The following INSYN2B variants were observed in gnomAD, a reference collection of about 807,000 sequenced individuals.
INSYN2B encodes protein INSYN2B.
In INSYN2B, 16 loss-of-function variants were observed where a neutral mutation model predicts 41.2. That is an observed-to-expected ratio of 0.39 (90% CI 0.26 to 0.59). The LOEUF is 0.59. INSYN2B is among the 20% of genes least tolerant of loss of function. INSYN2B has a pLI of 0.57. For missense variants in INSYN2B, 608 were observed against 646.4 expected, an observed-to-expected ratio of 0.94 and a Z score of 0.64; for synonymous variants, 245 against 244.4, an observed-to-expected ratio of 1.00 and a Z score of -0.02.
chr5:169,882,958 T>G lies in INSYN2B; in HGVS notation c.941A>C (p.Gln314Pro). ...GTGGGCTGGCTGGCTGTGGGAGCCT[T>G]GTGAGGGGGAACTGTGAGTCCGTGG... ...SSPRTHSSPS[Q>P]GSHSQPAHPG... Residue 314 changes from glutamine to proline, a missense_variant, in exon 2 of 4, where the codon CAA (glutamine) becomes CCA (proline). Physicochemically the swap from Gln to Pro is moderately conservative, Grantham distance 76. Coordinates refer to ENST00000377365, the MANE Select transcript of INSYN2B (RefSeq NM_001129891.3). 6.4e-7 allele frequency: 1 copy of G among 1,551,674 alleles called. No homozygotes were observed. The highest frequency in any genetic ancestry group is 2.0e-5 in the Admixed American group (1 of 50,986).
At chr5:169,917,603 T>C (rs1193212925) in intron 1 of INSYN2B, among the ~76,000 whole-genome samples, 1 of 152,214 alleles carries the variant, frequency 6.6e-6, no homozygotes, top group African/African-American at 2.4e-5. Context: ...TTCTAATCGA[T>C]TGCTTGCTGT....
chr5:169,929,752 A>AG (rs1338649494), intron 1 of INSYN2B, among the ~76,000 whole-genome samples: 1 of 151,454 alleles, frequency 6.6e-6, no homozygotes, highest in Non-Finnish European at 1.5e-5. Flanking sequence ...AAAAAAAAAA[A>AG]AAAAAAAAAA....
At chr5:169,917,552 T>C (rs991134062) in intron 1 of INSYN2B, among the ~76,000 whole-genome samples, 2 of 152,130 alleles carry the variant, frequency 1.3e-5, no homozygotes, top group African/African-American at 4.8e-5. Context: ...TCAAGAGAAG[T>C]GTAGGATAAA....
intron 1 of INSYN2B, among the ~76,000 whole-genome samples, chr5:169,893,219 C>T (rs1372484486): frequency 1.3e-5 from 2 of 152,202 alleles, no homozygotes; most frequent in Non-Finnish European, 1.5e-5. Flanking sequence ...GTACATTCAC[C>T]CCTCTAGCCA....
chr5:169,970,786 A>G (rs1161627816), intron 1 of INSYN2B, among the ~76,000 whole-genome samples: 2 of 152,214 alleles, frequency 1.3e-5, no homozygotes, highest in African/African-American at 2.4e-5. Flanking sequence ...TGGAATTAGT[A>G]GATATGGGGC....
rs1771348732 is a variant in INSYN2B at position 169,863,673 on chromosome 5, GC to G, written c.*599del. Among the ~76,000 whole-genome samples, 1 of 152,204 alleles carries G rather than the reference GC, an allele frequency of 6.6e-6. No individual in the cohort carries two copies. Reference sequence around the variant, plus strand: ...GGTGCATGCACCATGAGATGACAGAGCCTTAATTTGGGATCAAGGGGCTAAT... The same window carrying G: ...GGTGCATGCACCATGAGATGACAGAGCTTAATTTGGGATCAAGGGGCTAAT... On this transcript the variant is annotated 3_prime_UTR_variant, in exon 4 of 4. Coordinates refer to ENST00000377365, the MANE Select transcript of INSYN2B (RefSeq NM_001129891.3).
intron 1 of INSYN2B, chr5:169,934,823 A>G (rs1042498865): frequency 2.3e-6 from 1 of 428,458 alleles, no homozygotes; most frequent in Non-Finnish European, 4.7e-6. Context: ...AATTGATTGT[A>G]GTGTCATCTG....
At position 169,878,591 on chromosome 5, in the gene INSYN2B, G is replaced by A. The variant is rs111408240; in HGVS notation, c.1421+2777C>T. On this transcript the variant is annotated intron_variant, in intron 3 of 3. Coordinates refer to ENST00000377365, the MANE Select transcript of INSYN2B (RefSeq NM_001129891.3). ...CCAGCATTAGGAAGGTTTTAAAGACGTTCTAGTACCAAACTCAGATTTTCC... is the reference window on the plus strand; with the variant it reads ...CCAGCATTAGGAAGGTTTTAAAGACATTCTAGTACCAAACTCAGATTTTCC... Among the ~76,000 whole-genome samples the A allele has an allele frequency of 1.6e-4, 24 of 152,284 alleles. 1 individual carries two copies. Among genetic ancestry groups the A allele is most frequent in the South Asian group, 1.4e-3 (7 of 4,828 alleles).
chr5:169,880,462 T>TA (rs1772574674), intron 3 of INSYN2B, among the ~76,000 whole-genome samples: 1 of 152,186 alleles, frequency 6.6e-6, no homozygotes, highest in Admixed American at 6.5e-5. Context: ...AAGAGAAGTG[T>TA]AATAGAGAAA....
chr5:169,958,066 C>T (rs2113738678), intron 1 of INSYN2B, among the ~76,000 whole-genome samples: 1 of 152,254 alleles, frequency 6.6e-6, no homozygotes, highest in South Asian at 2.1e-4. Context: ...GGGATACGTT[C>T]CCTGTGTGGA....
chr5:169,900,324 A>G lies in INSYN2B; in HGVS notation c.-918-15508T>C, dbSNP rs189205564. ...CTGAGCCAGGCTTTCTATGATGACT[A>G]GGAGTTCAAGTCATTGAAAGAAGGA... On this transcript the variant is annotated intron_variant, in intron 1 of 3. Coordinates refer to ENST00000377365, the MANE Select transcript of INSYN2B (RefSeq NM_001129891.3). 3.9e-5 allele frequency among the ~76,000 whole-genome samples: 6 copies of G among 152,342 alleles called. No individual in the cohort carries two copies. The East Asian group carries it at 1.2e-3, about 29-fold the overall frequency.
intron 1 of INSYN2B, among the ~76,000 whole-genome samples, chr5:169,897,392 T>C (rs1323020681): frequency 6.6e-6 from 1 of 152,126 alleles, no homozygotes; most frequent in Non-Finnish European, 1.5e-5. Context: ...GATTTCACCA[T>C]GTTGGAAGGG....
intron 1 of INSYN2B, among the ~76,000 whole-genome samples, chr5:169,950,737 T>G (rs1180649850): frequency 1.3e-5 from 2 of 152,192 alleles, no homozygotes; most frequent in Non-Finnish European, 2.9e-5. Flanking sequence ...ACAGCATCAT[T>G]TGATCTCTTA....
intron 1 of INSYN2B, among the ~76,000 whole-genome samples, chr5:169,976,145 T>G (rs921822076): frequency 1.3e-5 from 2 of 152,248 alleles, no homozygotes; most frequent in Non-Finnish European, 2.9e-5. Context: ...AAATATTTAT[T>G]GAACCCATGC....
intron 1 of INSYN2B, among the ~76,000 whole-genome samples, chr5:169,922,284 G>C (rs1255063391): frequency 2.0e-5 from 3 of 152,172 alleles, no homozygotes. Context: ...AAAGATGAAG[G>C]CTCAGAGAAG....
intron 1 of INSYN2B, among the ~76,000 whole-genome samples, chr5:169,963,240 G>T (rs1777163779): frequency 6.6e-6 from 1 of 152,182 alleles, no homozygotes; most frequent in South Asian, 2.1e-4. Context: ...ATCAGTTTAT[G>T]TCCATGAACT....
chr5:169,874,410 CAAAA>C (rs34525811), intron 3 of INSYN2B, among the ~76,000 whole-genome samples: 2 of 72,030 alleles, frequency 2.8e-5, no homozygotes, highest in Non-Finnish European at 5.0e-5. Context: ...GACTCTGTCT[CAAAA>C]AAAAAAAAAA....
intron 1 of INSYN2B, among the ~76,000 whole-genome samples, chr5:169,952,287 G>A (rs1776693874): frequency 2.0e-5 from 3 of 152,122 alleles, no homozygotes; most frequent in Non-Finnish European, 4.4e-5. Flanking sequence ...AATTTATTGA[G>A]AACTTGTTGT....
intron 1 of INSYN2B, among the ~76,000 whole-genome samples, chr5:169,940,565 G>T (rs1581448506): frequency 6.6e-6 from 1 of 152,138 alleles, no homozygotes; most frequent in African/African-American, 2.4e-5. Context: ...TTGTTTTTCT[G>T]CAACTAGACA....
Sources: gnomAD v4.1 joint callset for allele counts (sites outside exome capture counted in the v4.1 genomes callset) on GRCh38, gnomAD v4.1.1 for gene constraint, MANE v1.5 for transcripts, NCBI Gene and HGNC (gene_info 2026-07-23, HGNC 2026-07-21) for gene names.